The following SLC6A17 variants were observed in gnomAD, a reference collection of about 807,000 sequenced individuals.
The protein encoded by SLC6A17 is solute carrier family 6 member 17.
Under a neutral mutation model 64.5 loss-of-function variants are expected in SLC6A17, and 21 were observed. The observed-to-expected ratio is 0.33, with a 90% confidence interval of 0.23 to 0.47. SLC6A17 has a LOEUF of 0.47. Among genes scored for constraint, SLC6A17 ranks in the 20% least tolerant of loss-of-function variants. The pLI, the probability that SLC6A17 is intolerant of heterozygous loss-of-function variation, is 1.00. For missense variants in SLC6A17, 682 were observed against 963.2 expected (o/e 0.71, Z 3.86); for synonymous variants, 372 against 399.5 (o/e 0.93, Z 0.82).
intron 5 of SLC6A17, 100 bp from the exon 6 acceptor site, chr1:110,176,529 C>A: frequency 9.0e-7 from 1 of 1,108,266 alleles, no homozygotes; most frequent in Non-Finnish European, 1.4e-6. Context: ...TTTTCTGCTG[C>A]CATCAGGGGC....
At chr1:110,159,744 A>G (rs866488566) in intron 1 of SLC6A17, among the ~76,000 whole-genome samples, 5 of 152,208 alleles carry the variant, frequency 3.3e-5, no homozygotes, top group African/African-American at 1.2e-4. Flanking sequence ...CTGGCTTTCA[A>G]ACTGTCACTT....
At chr1:110,191,866 C>A (rs1656833436) in intron 6 of SLC6A17, 106 bp from the exon 7 acceptor site, 2 of 1,512,592 alleles carry the variant, frequency 1.3e-6, no homozygotes, top group South Asian at 2.6e-5. Context: ...CCACTATGGG[C>A]TGCTGCCTCT....
rs773098711 is a variant in SLC6A17 at position 110,198,509 on chromosome 1, C to G, written c.*65C>G. The G allele has an allele frequency of 6.5e-7, 1 of 1,542,462 alleles. No individual in the cohort carries two copies. The highest frequency in any genetic ancestry group is 1.4e-5 in the African/African-American group (1 of 73,194). On this transcript the variant is annotated 3_prime_UTR_variant, in exon 12 of 12. Coordinates refer to ENST00000331565, the MANE Select transcript of SLC6A17 (RefSeq NM_001010898.4). ...ACCTGCCCACTTGTCCAGGCCTGGC[C>G]TCTTTCTTGAGGTGGCCACCAGGCC...
chr1:110,185,949 T>G (rs1656674785), intron 6 of SLC6A17, among the ~76,000 whole-genome samples: 1 of 152,116 alleles, frequency 6.6e-6, no homozygotes, highest in Non-Finnish European at 1.5e-5. Flanking sequence ...ACCAGGCACT[T>G]TTCTCCTCAA....
chr1:110,185,116 G>A (rs556370764), intron 6 of SLC6A17, among the ~76,000 whole-genome samples: 4 of 152,168 alleles, frequency 2.6e-5, no homozygotes, highest in South Asian at 2.1e-4. Flanking sequence ...GGAGCCAGAC[G>A]ATCTGGTTCA....
At chr1:110,164,973 G>A (rs1463882875) in intron 1 of SLC6A17, among the ~76,000 whole-genome samples, 1 of 152,208 alleles carries the variant, frequency 6.6e-6, no homozygotes, top group African/African-American at 2.4e-5. Flanking sequence ...CAGGCAGAGT[G>A]GCTGGAGACA....
At chr1:110,164,617 G>A (rs1032633587) in intron 1 of SLC6A17, among the ~76,000 whole-genome samples, 1 of 152,232 alleles carries the variant, frequency 6.6e-6, no homozygotes, top group Non-Finnish European at 1.5e-5. Flanking sequence ...CCATCCCTCA[G>A]TGCGGGATGC....
At chr1:110,160,542 A>G (rs1311628863) in intron 1 of SLC6A17, among the ~76,000 whole-genome samples, 2 of 152,256 alleles carry the variant, frequency 1.3e-5, no homozygotes, top group African/African-American at 4.8e-5. Context: ...TGCTGTTCAG[A>G]AAAGGGATCA....
At chr1:110,172,332 A>G in intron 3 of SLC6A17, 115 bp downstream of exon 3, 1 of 1,311,800 alleles carries the variant, frequency 7.6e-7, no homozygotes, top group Middle Eastern at 2.7e-4. Context: ...AAGGGCAGGG[A>G]GGGGGATCCT....
At chr1:110,194,384 G>A (rs983550448) in intron 8 of SLC6A17, among the ~76,000 whole-genome samples, 195 bp from the exon 9 acceptor site, 3 of 152,218 alleles carry the variant, frequency 2.0e-5, no homozygotes, top group Non-Finnish European at 2.9e-5. Context: ...GTGTTTTTGA[G>A]CTACGTCTAG....
intron 1 of SLC6A17, among the ~76,000 whole-genome samples, chr1:110,165,893 C>T (rs986625190): frequency 6.6e-6 from 1 of 152,222 alleles, no homozygotes; most frequent in African/African-American, 2.4e-5. Context: ...CTCCAACCTT[C>T]CCTTAATGAG....
intron 6 of SLC6A17, among the ~76,000 whole-genome samples, chr1:110,182,056 G>A (rs1227832510): frequency 4.6e-5 from 7 of 152,158 alleles, no homozygotes. Flanking sequence ...AAATCTGAGG[G>A]AATGAGGACA....
At chr1:110,154,964 C>A (rs1655717317) in intron 1 of SLC6A17, among the ~76,000 whole-genome samples, 2 of 152,206 alleles carry the variant, frequency 1.3e-5, no homozygotes, top group Non-Finnish European at 2.9e-5. Context: ...TCTCCTCACT[C>A]CAAAACTCTG....
At chr1:110,160,655 A>G (rs1275264231) in intron 1 of SLC6A17, among the ~76,000 whole-genome samples, 2 of 152,232 alleles carry the variant, frequency 1.3e-5, no homozygotes, top group African/African-American at 4.8e-5. Context: ...ATGCTCACTC[A>G]CAGACTCGCA....
At chr1:110,193,379 T>C (rs890618248) in intron 8 of SLC6A17, among the ~76,000 whole-genome samples, 2 of 152,244 alleles carry the variant, frequency 1.3e-5, no homozygotes, top group African/African-American at 4.8e-5. Flanking sequence ...CTCAGGCCCA[T>C]GTTAGGACAC....
rs777980219 is a variant in SLC6A17, at chr1:110,192,191, A to G, written c.1084A>G (p.Met362Val). ...TGTGCTGGGCTTCAAGGCCAACATC[A>G]TGAATGAGAAGTGTGTGGTCGAGTA... ...FAVLGFKANI[M>V]NEKCVVENAE... is the part of the protein sequence containing the mutation. The change falls in exon 7 of 12, where the codon ATG (methionine) becomes GTG (valine). Residue 362 changes from methionine to valine, a missense_variant. This residue lies in a region of SLC6A17 where 415 missense variants were observed against 603.8 expected (regional missense o/e 0.69). Transcript: ENST00000331565. The surrounding 1 kb of genome is among the most constrained non-coding windows in gnomAD (Gnocchi z 4.3). The G allele has an allele frequency of 6.2e-7, 1 of 1,613,404 alleles. No individual in the cohort carries two copies.
In SLC6A17 at chr1:110,199,868, G is replaced by A. The variant is rs550154996; in HGVS notation, c.*1424G>A. On this transcript the variant is annotated 3_prime_UTR_variant, in exon 12 of 12. Transcript: ENST00000331565. Reference sequence around the variant, plus strand: ...GGATGGATGGATGGATAGATGGATGGATGGGTTGGGGAGTGGGGGTGGATG... The same window carrying A: ...GGATGGATGGATGGATAGATGGATGAATGGGTTGGGGAGTGGGGGTGGATG... The A allele has an allele frequency of 1.7e-3, 648 of 391,698 alleles. 3 individuals are homozygous for A. Among genetic ancestry groups the A allele is most frequent in the Non-Finnish European group, 2.0e-3 (445 of 222,954 alleles). The allele number at this position is 391,698 out of a possible 1,614,324, so 24.3% of individuals were successfully genotyped here. A position where few individuals can be genotyped will look rare whatever the true frequency, so the allele number is the denominator to read the frequency against.
Position 110,192,292 on chromosome 1 carries a change from G to A in SLC6A17, c.1106+79G>A. On this transcript the variant is annotated intron_variant, in intron 7 of 11. Coordinates refer to ENST00000331565, the MANE Select transcript of SLC6A17 (RefSeq NM_001010898.4). This position sits in a 1 kb window ranked among gnomAD's most constrained non-coding sequence, Gnocchi z 4.3. ...AGTGGGCAGGGGTGGGGGCGCAGGTGTGCATGGGGAGAGAGGTCCCCTCCA... is the reference window on the plus strand; with the variant it reads ...AGTGGGCAGGGGTGGGGGCGCAGGTATGCATGGGGAGAGAGGTCCCCTCCA... 1 of 1,551,710 alleles carries A rather than the reference G, an allele frequency of 6.4e-7. No individual in the cohort carries two copies. The highest frequency in any genetic ancestry group is 8.7e-7 in the Non-Finnish European group (1 of 1,144,950).
At position 110,200,303 on chromosome 1, in the gene SLC6A17, T is replaced by C. The variant is rs1026718859; in HGVS notation, c.*1859T>C. The stretch of plus-strand genomic sequence containing the variant: ...GCCCTACCTGTCTTTCCTGAGTGTT[T>C]GAGGGGAGAGAGAGACCCACATCTC... On this transcript the variant is annotated 3_prime_UTR_variant, in exon 12 of 12. Coordinates refer to ENST00000331565, the MANE Select transcript of SLC6A17 (RefSeq NM_001010898.4). The C allele has an allele frequency of 2.8e-5, 11 of 387,500 alleles. No individual in the cohort carries two copies. Among genetic ancestry groups the C allele is most frequent in the African/African-American group, 2.3e-4 (11 of 47,842 alleles). The allele number at this position is 387,500 out of a possible 1,614,324, so 24.0% of individuals were successfully genotyped here. A position where few individuals can be genotyped will look rare whatever the true frequency, so the allele number is the denominator to read the frequency against.
Sources: allele counts gnomAD v4.1 joint callset (sites outside exome capture counted in the v4.1 genomes callset), GRCh38; gene constraint gnomAD v4.1.1; regional missense constraint gnomAD v4.1.1; non-coding constraint Gnocchi (gnomAD v3.1); transcripts MANE v1.5; gene names NCBI Gene and HGNC (gene_info 2026-07-23, HGNC 2026-07-21).